KALRN: variants seen among roughly 807,000 people sequenced by gnomAD.
The protein encoded by KALRN is kalirin.
KALRN carries 70 observed loss-of-function variants against 353.7 expected under a neutral mutation model. The observed-to-expected ratio is 0.20, with a 90% CI of 0.16 to 0.24. The LOEUF (loss-of-function observed/expected upper bound fraction) is 0.24, where lower values mean the gene tolerates loss of function less well. KALRN is among the 10% of genes least tolerant of loss of function. KALRN has a pLI of 1.00. For synonymous variants in KALRN, 1,391 were observed against 1,434.8 expected (o/e 0.97, Z 0.69); for missense variants, 2,791 against 3,756.7 (o/e 0.74, Z 6.72).
At position 124,384,470 on chromosome 3, in the gene KALRN, G is replaced by A. The variant is rs1485883755; in HGVS notation, c.1771-375G>A. 6 of 168,720 alleles carry A rather than the reference G, an allele frequency of 3.6e-5. No homozygotes were observed. The South Asian group carries it at 6.0e-4, about 17-fold the overall frequency. 10.5% of individuals were successfully genotyped at this position (168,720 alleles called of 1,614,324 possible). A position where few individuals can be genotyped will look rare whatever the true frequency, so the allele number is the denominator to read the frequency against. ...GTGTTCTCACATGGAAATACAGACC[G>A]TCTTTGTGGGTGTGCTATTTCTGAT... On this transcript the variant is annotated intron_variant, in intron 10 of 59. Transcript: ENST00000682506.
intron 21 of KALRN, among the ~76,000 whole-genome samples, chr3:124,453,629 G>A (rs557951390): frequency 5.8e-4 from 89 of 152,266 alleles, no homozygotes; most frequent in African/African-American, 2.1e-3. Flanking sequence ...TTTAAACCTT[G>A]GACCCACTTT....
chr3:124,227,663 G>GTTTTTT lies in KALRN; in HGVS notation c.74-290_74-285dup, dbSNP rs747087120. The stretch of plus-strand genomic sequence containing the variant: ...CAAGTTGCTCAATAGCAACAGGGCT[G>GTTTTTT]TTTTTTTTTTTTTTTTTTTTTTTTT... On this transcript the variant is annotated intron_variant, in intron 1 of 59. Coordinates refer to ENST00000682506, the MANE Select transcript of KALRN (RefSeq NM_001388419.1). Among the ~76,000 whole-genome samples the GTTTTTT allele has an allele frequency of 2.2e-3, 149 of 69,256 alleles. 22 individuals carry two copies. The highest frequency in any genetic ancestry group is 2.9e-3 in the African/African-American group (57 of 19,494). The allele number at this position is 69,256 out of a possible 152,430, so 45.4% of individuals were successfully genotyped here. A position where few individuals can be genotyped will look rare whatever the true frequency, so the allele number is the denominator to read the frequency against.
At chr3:124,538,600 C>T (rs2068738224) in intron 33 of KALRN, among the ~76,000 whole-genome samples, 1 of 152,154 alleles carries the variant, frequency 6.6e-6, no homozygotes, top group Admixed American at 6.5e-5. Context: ...GGAGACAGAC[C>T]TTTCCCCTTA....
chr3:124,464,659 G>A (rs2060155496), intron 25 of KALRN, among the ~76,000 whole-genome samples: 1 of 152,038 alleles, frequency 6.6e-6, no homozygotes, highest in Non-Finnish European at 1.5e-5. Context: ...CAGAGAAGAT[G>A]CCACAAAAAT....
chr3:124,114,052 G>A (rs548337436), intron 1 of KALRN, among the ~76,000 whole-genome samples: 12 of 152,270 alleles, frequency 7.9e-5, no homozygotes, highest in Admixed American at 4.6e-4. Context: ...AAGGAGAAAG[G>A]TAAGAGAAAG....
chr3:124,049,368 C>T lies in KALRN; in HGVS notation c.73+15555C>T, dbSNP rs566596776. Among the ~76,000 whole-genome samples the T allele has an allele frequency of 4.6e-5, 7 of 152,242 alleles. No homozygotes were observed. In the East Asian group the frequency reaches 5.8e-4, roughly 13 times the overall value. Reference sequence around the variant, plus strand: ...AATAGCTCTGTGACTTGGCCAAACCCGGTAATATGCCTGTTTTTACAGATG... The same window carrying T: ...AATAGCTCTGTGACTTGGCCAAACCTGGTAATATGCCTGTTTTTACAGATG... On this transcript the variant is annotated intron_variant, in intron 1 of 59. Coordinates refer to ENST00000682506, the MANE Select transcript of KALRN (RefSeq NM_001388419.1).
intron 1 of KALRN, among the ~76,000 whole-genome samples, chr3:124,053,691 G>A (rs896361664): frequency 5.9e-5 from 9 of 152,228 alleles, no homozygotes; most frequent in Non-Finnish European, 1.2e-4. Flanking sequence ...AGTGGGGCAA[G>A]TCTGCTTGCT....
intron 1 of KALRN, among the ~76,000 whole-genome samples, chr3:124,204,180 C>T (rs1350746616): frequency 6.6e-6 from 1 of 152,270 alleles, no homozygotes; most frequent in African/African-American, 2.4e-5. Context: ...TCATAGGACC[C>T]TTTAATTGCC....
At chr3:124,712,563 G>GC (rs1224794401) in intron 57 of KALRN, among the ~76,000 whole-genome samples, 1 of 150,266 alleles carries the variant, frequency 6.7e-6, no homozygotes, top group African/African-American at 2.5e-5. Flanking sequence ...GGAGGCCGAA[G>GC]CAAGAGGCTT....
At chr3:124,646,168 G>A (rs1405021983) in intron 37 of KALRN, among the ~76,000 whole-genome samples, 15 of 152,010 alleles carry the variant, frequency 9.9e-5, no homozygotes, top group Admixed American at 9.2e-4. Context: ...CTCATCACAT[G>A]AGCTTTGATC....
chr3:124,601,807 A>G (rs1316222560), intron 34 of KALRN, among the ~76,000 whole-genome samples: 1 of 151,844 alleles, frequency 6.6e-6, no homozygotes, highest in Admixed American at 6.6e-5. Flanking sequence ...AGGTGGGTGG[A>G]TTGCTTGAGC....
chr3:124,709,541 G>T (rs149057211), intron 57 of KALRN, among the ~76,000 whole-genome samples: 22,512 of 152,028 alleles, frequency 0.15, 2,174 homozygotes, highest in Middle Eastern at 0.21. Flanking sequence ...GTCTCCCAAG[G>T]TGTTGGGATT....
At chr3:124,639,019 A>G (rs1455436746) in intron 37 of KALRN, among the ~76,000 whole-genome samples, 1 of 152,212 alleles carries the variant, frequency 6.6e-6, no homozygotes, top group Non-Finnish European at 1.5e-5. Flanking sequence ...TAATATTCTG[A>G]TATTTTTGTA....
chr3:124,603,664 T>C (rs333245), intron 34 of KALRN, among the ~76,000 whole-genome samples: 97,504 of 151,330 alleles, frequency 0.64, 32,144 homozygotes, highest in East Asian at 0.83. Context: ...TCCCCACAAC[T>C]CTCCCACGAG....
intron 1 of KALRN, among the ~76,000 whole-genome samples, chr3:124,227,031 G>A (rs1243438043): frequency 2.6e-5 from 4 of 152,146 alleles, no homozygotes; most frequent in Non-Finnish European, 5.9e-5. Flanking sequence ...GGGGTTCTTA[G>A]GTTAAATGAT....
chr3:124,407,582 A>C (rs1214844557), intron 13 of KALRN: 1 of 152,196 alleles, frequency 6.6e-6, no homozygotes, highest in African/African-American at 2.4e-5. Context: ...TGACAAAGGC[A>C]TCTGGATAAC....
chr3:124,120,711 A>AATATATATATATATATAT (rs368470724), intron 1 of KALRN, among the ~76,000 whole-genome samples: 47 of 98,906 alleles, frequency 4.8e-4, no homozygotes, highest in African/African-American at 1.7e-3. Context: ...GAATACTAAA[A>AATATATATATATATATAT]ATATATATAT....
At chr3:124,127,844 T>C (rs1427393485) in intron 1 of KALRN, among the ~76,000 whole-genome samples, 9 of 152,252 alleles carry the variant, frequency 5.9e-5, no homozygotes, top group African/African-American at 1.9e-4. Flanking sequence ...CTTCAGCTAA[T>C]TGAGACAGCA....
At chr3:124,433,005 C>T (rs912751105) in intron 16 of KALRN, among the ~76,000 whole-genome samples, 1 of 152,150 alleles carries the variant, frequency 6.6e-6, no homozygotes, top group Non-Finnish European at 1.5e-5. Context: ...CTCCAGGTGG[C>T]CTGTGCTTCT....
Sources: gnomAD v4.1 joint callset for allele counts (sites outside exome capture counted in the v4.1 genomes callset) on GRCh38, gnomAD v4.1.1 for gene constraint, MANE v1.5 for transcripts, NCBI Gene and HGNC (gene_info 2026-07-23, HGNC 2026-07-21) for gene names.